The following CACNA2D3 variants were observed in gnomAD, a reference collection of about 807,000 sequenced individuals.
The protein encoded by CACNA2D3 is voltage-dependent calcium channel subunit alpha-2/delta-3.
A neutral mutation model predicts 160.6 loss-of-function variants in CACNA2D3; 60 were observed. The ratio of observed to expected loss-of-function variants is 0.37; its 90% CI spans 0.30 to 0.46. CACNA2D3 has a LOEUF of 0.46. Among genes scored for constraint, CACNA2D3 ranks in the 20% least tolerant of loss-of-function variants. The pLI, the probability that CACNA2D3 is intolerant of heterozygous loss-of-function variation, is 1.00. For synonymous variants in CACNA2D3, 558 were observed against 492.9 expected, an observed-to-expected ratio of 1.13 and a Z score of -1.75; for missense variants, 1,205 against 1,365.0, an observed-to-expected ratio of 0.88 and a Z score of 1.85.
At chr3:54,536,110 C>T (rs559919708) in intron 5 of CACNA2D3, among the ~76,000 whole-genome samples, 12 of 152,296 alleles carry the variant, frequency 7.9e-5, no homozygotes, top group African/African-American at 2.9e-4. Context: ...CACCCTAAAG[C>T]AGCAAAAAGT....
chr3:54,806,844 A>G (rs1467991786), intron 13 of CACNA2D3, among the ~76,000 whole-genome samples: 3 of 152,202 alleles, frequency 2.0e-5, no homozygotes, highest in Non-Finnish European at 4.4e-5. Flanking sequence ...TGGTACTGAT[A>G]CCAAAACAGA....
chr3:54,236,064 C>T (rs927232211), intron 2 of CACNA2D3, among the ~76,000 whole-genome samples: 1 of 152,212 alleles, frequency 6.6e-6, no homozygotes, highest in Non-Finnish European at 1.5e-5. Flanking sequence ...AACCTGTAAC[C>T]TCAGTCTCCT....
intron 17 of CACNA2D3, among the ~76,000 whole-genome samples, chr3:54,847,542 C>T (rs1007698115): frequency 2.0e-5 from 3 of 152,214 alleles, no homozygotes; most frequent in African/African-American, 7.2e-5. Context: ...CATGTGAGAG[C>T]TCCATCATCA....
chr3:54,331,179 G>A (rs1704243910), intron 3 of CACNA2D3, among the ~76,000 whole-genome samples: 1 of 152,008 alleles, frequency 6.6e-6, no homozygotes, highest in East Asian at 1.9e-4. Flanking sequence ...CTTTAAGGGG[G>A]AAAAATGAAA....
At chr3:54,981,490 G>T (rs1702506816) in intron 29 of CACNA2D3, among the ~76,000 whole-genome samples, 1 of 152,054 alleles carries the variant, frequency 6.6e-6, no homozygotes, top group Non-Finnish European at 1.5e-5. Context: ...TCAACCCATT[G>T]GGAGCGAGGG....
At chr3:54,945,181 C>T (rs1701581809) in intron 27 of CACNA2D3, among the ~76,000 whole-genome samples, 1 of 152,198 alleles carries the variant, frequency 6.6e-6, no homozygotes, top group African/African-American at 2.4e-5. Flanking sequence ...CCCCTCCTCC[C>T]TCCCTCATCT....
intron 3 of CACNA2D3, chr3:54,386,083 T>C: frequency 2.5e-6 from 1 of 398,444 alleles, no homozygotes; most frequent in Non-Finnish European, 4.9e-6. Context: ...ATGTGTTGAA[T>C]TTCGCTGGCT....
chr3:54,590,221 A>G (rs1559520549), intron 9 of CACNA2D3, among the ~76,000 whole-genome samples: 1 of 152,216 alleles, frequency 6.6e-6, no homozygotes, highest in South Asian at 2.1e-4. Flanking sequence ...ATTACTTAGT[A>G]ATTAAAAAAA....
intron 4 of CACNA2D3, among the ~76,000 whole-genome samples, chr3:54,419,183 G>A (rs1244492614): frequency 6.6e-6 from 1 of 152,234 alleles, no homozygotes; most frequent in Non-Finnish European, 1.5e-5. Flanking sequence ...CTTGAGCCAT[G>A]TCAAGCCTCT....
chr3:54,280,049 CTTGT>C (rs370472128), intron 2 of CACNA2D3, among the ~76,000 whole-genome samples: 1,723 of 150,680 alleles, frequency 0.011, 15 homozygotes, highest in African/African-American at 0.027. Flanking sequence ...ACAAAGATGA[CTTGT>C]TTGTTTGTTT....
intron 4 of CACNA2D3, among the ~76,000 whole-genome samples, chr3:54,455,111 G>GT (rs1197471406): frequency 1.3e-5 from 2 of 152,082 alleles, no homozygotes; most frequent in African/African-American, 4.8e-5. Context: ...TATATACCCA[G>GT]TAGGGGGATT....
chr3:54,427,164 G>C (rs940832195), intron 4 of CACNA2D3, among the ~76,000 whole-genome samples: 1 of 152,258 alleles, frequency 6.6e-6, no homozygotes, highest in Admixed American at 6.5e-5. Context: ...GATGCCCTCT[G>C]CCTGGTCATT....
intron 3 of CACNA2D3, among the ~76,000 whole-genome samples, chr3:54,383,201 C>G (rs1425832238): frequency 6.6e-6 from 1 of 152,068 alleles, no homozygotes; most frequent in Admixed American, 6.5e-5. Flanking sequence ...ATTTGTTTAC[C>G]TTTATAAGAG....
intron 2 of CACNA2D3, among the ~76,000 whole-genome samples, chr3:54,214,625 T>C (rs1256139312): frequency 6.6e-6 from 1 of 152,206 alleles, no homozygotes; most frequent in Non-Finnish European, 1.5e-5. Flanking sequence ...TTGGTGCTCC[T>C]ATTGTTTTAA....
chr3:54,522,933 TTTAC>T (rs61291743), intron 5 of CACNA2D3, among the ~76,000 whole-genome samples: 11,587 of 135,126 alleles, frequency 0.086, 561 homozygotes, highest in South Asian at 0.15. Context: ...TATTTATTTA[TTTAC>T]TTACTTACTT....
chr3:54,622,467 G>A (rs1266983100), intron 9 of CACNA2D3, among the ~76,000 whole-genome samples: 2 of 152,104 alleles, frequency 1.3e-5, no homozygotes, highest in African/African-American at 4.8e-5. Flanking sequence ...AGTAGAGATG[G>A]GGTTTCACCA....
intron 13 of CACNA2D3, among the ~76,000 whole-genome samples, chr3:54,795,037 C>T (rs1489827047): frequency 6.6e-6 from 1 of 152,020 alleles, no homozygotes; most frequent in African/African-American, 2.4e-5. Flanking sequence ...CACATTTATT[C>T]ATCTACTTGA....
intron 14 of CACNA2D3, among the ~76,000 whole-genome samples, chr3:54,832,011 T>TCATACACACAGCA (rs373556430): frequency 4.5e-4 from 53 of 118,952 alleles, no homozygotes; most frequent in African/African-American, 1.7e-3. Flanking sequence ...CTCTTCTCTG[T>TCATACACACAGCA]CACACACACA....
At chr3:54,406,097 G>A (rs967901083) in intron 4 of CACNA2D3, among the ~76,000 whole-genome samples, 2 of 152,054 alleles carry the variant, frequency 1.3e-5, no homozygotes, top group African/African-American at 4.8e-5. Context: ...CTGTCAGTGG[G>A]AATATAGATT....
Sources: gnomAD v4.1 joint callset for allele counts (sites outside exome capture counted in the v4.1 genomes callset) on GRCh38, gnomAD v4.1.1 for gene constraint, MANE v1.5 for transcripts, NCBI Gene and HGNC (gene_info 2026-07-23, HGNC 2026-07-21) for gene names.